NUFIP1: variants seen among roughly 807,000 people sequenced by gnomAD.
The protein encoded by NUFIP1 is FMR1-interacting protein NUFIP1.
In NUFIP1, 38 loss-of-function variants were observed where a neutral mutation model predicts 56.2. The ratio of observed to expected loss-of-function variants is 0.68; its 90% CI spans 0.52 to 0.89. The LOEUF is 0.89. NUFIP1 is among the 40% of genes least tolerant of loss of function. The probability of loss-of-function intolerance (pLI) is 0.00; values close to 1 mark genes in which losing one functional copy is unlikely to be tolerated. For missense variants in NUFIP1, 567 were observed against 605.8 expected (o/e 0.94, Z 0.67); for synonymous variants, 215 against 212.4 (o/e 1.01, Z -0.10).
chr13:44,941,062 T>C lies in NUFIP1; in HGVS notation c.*144A>G. 1 of 533,668 alleles carries C rather than the reference T, an allele frequency of 1.9e-6. No individual in the cohort carries two copies. Among genetic ancestry groups the C allele is most frequent in the Non-Finnish European group, 3.4e-6 (1 of 295,614 alleles). The allele number at this position is 533,668 out of a possible 1,614,324, so 33.1% of individuals were successfully genotyped here. A position where few individuals can be genotyped will look rare whatever the true frequency, so the allele number is the denominator to read the frequency against. On this transcript the variant is annotated 3_prime_UTR_variant, in exon 10 of 10. Transcript: ENST00000379161. ...ATTTGCATAGAACCAAAGGAAAGAC[T>C]TAAAATTCCAACATACATCCTACGA...
intron 5 of NUFIP1, among the ~76,000 whole-genome samples, chr13:44,968,655 TA>T (rs1871699725): frequency 6.6e-6 from 1 of 152,192 alleles, no homozygotes; most frequent in African/African-American, 2.4e-5. Flanking sequence ...GCGAGACATG[TA>T]ACTCACAGCT....
At chr13:44,942,597 A>AAC (rs374723547) in intron 9 of NUFIP1, among the ~76,000 whole-genome samples, 37 of 152,334 alleles carry the variant, frequency 2.4e-4, no homozygotes, top group Admixed American at 9.2e-4. Context: ...ACAGAATGTC[A>AAC]AGTTTTATAA....
intron 5 of NUFIP1, among the ~76,000 whole-genome samples, chr13:44,976,789 CA>C (rs1871996649): frequency 6.6e-6 from 1 of 152,160 alleles, no homozygotes; most frequent in Admixed American, 6.5e-5. Context: ...GAACTCTCTG[CA>C]GAGGCCCAAG....
rs781225688 is a variant in NUFIP1 at position 44,989,471 on chromosome 13, T to G, written c.-35A>C. On this transcript the variant is annotated 5_prime_UTR_variant, in exon 1 of 10. Transcript: ENST00000379161. The stretch of plus-strand genomic sequence containing the variant: ...GGGTCCGGAGTCTAGCACGCGACTG[T>G]GGAGCAAGCATTAGGCGTCACTTCC... 44 of 1,608,604 alleles carry G rather than the reference T, an allele frequency of 2.7e-5. No homozygotes were observed. The highest frequency in any genetic ancestry group is 3.7e-5 in the Non-Finnish European group (43 of 1,177,210).
chr13:44,949,199 A>AT (rs11421255), intron 8 of NUFIP1, among the ~76,000 whole-genome samples: 94,750 of 112,478 alleles, frequency 0.84, 41,841 homozygotes, highest in Non-Finnish European at 0.92. Flanking sequence ...ATTATATTGT[A>AT]TTTTTTTTTT....
intron 5 of NUFIP1, among the ~76,000 whole-genome samples, chr13:44,969,028 A>T (rs913089115): frequency 3.3e-5 from 5 of 152,164 alleles, no homozygotes; most frequent in Non-Finnish European, 5.9e-5. Flanking sequence ...TCCTAAAATT[A>T]AATATCATGT....
At chr13:44,959,623 A>G (rs1231481226) in intron 6 of NUFIP1, 49 bp from the exon 7 acceptor site, 1 of 1,525,646 alleles carries the variant, frequency 6.6e-7, no homozygotes, top group African/African-American at 1.4e-5. Context: ...CTGACCTTCC[A>G]AGAAAATTTT....
intron 6 of NUFIP1, among the ~76,000 whole-genome samples, chr13:44,961,062 A>G (rs1436093895): frequency 6.6e-6 from 1 of 151,830 alleles, no homozygotes; most frequent in African/African-American, 2.4e-5. Context: ...GAAAAAAAAA[A>G]AAAAAAAAAA....
Position 44,980,714 on chromosome 13 carries a change from A to C in NUFIP1, c.594+8T>G, listed in dbSNP as rs1341961565. On this transcript the variant is annotated splice_region_variant and intron_variant, in intron 3 of 9. Transcript: ENST00000379161. ...TACATCAGTTTCAGGACAACTAAGA[A>C]AACCTACTTTTGTATGTTCAGACAT... The C allele has an allele frequency of 1.3e-6, 2 of 1,578,102 alleles. No individual in the cohort carries two copies. The highest frequency in any genetic ancestry group is 1.4e-5 in the African/African-American group (1 of 73,266).
At chr13:44,988,710 T>C (rs964688297) in intron 1 of NUFIP1, among the ~76,000 whole-genome samples, 1 of 152,208 alleles carries the variant, frequency 6.6e-6, no homozygotes, top group East Asian at 1.9e-4. Context: ...GAAAACATTC[T>C]AGTCAGACAT....
intron 1 of NUFIP1, among the ~76,000 whole-genome samples, chr13:44,986,258 T>G (rs1872387147): frequency 6.6e-6 from 1 of 151,718 alleles, no homozygotes; most frequent in African/African-American, 2.4e-5. Context: ...ATTCATGATT[T>G]ATGGAAGGAG....
chr13:44,975,580 T>G (rs574738534), intron 5 of NUFIP1, among the ~76,000 whole-genome samples: 8 of 152,308 alleles, frequency 5.3e-5, no homozygotes, highest in Admixed American at 5.2e-4. Flanking sequence ...AAAGCTTCTA[T>G]TTTCTCTTAC....
At chr13:44,976,703 T>C (rs148967182) in intron 5 of NUFIP1, among the ~76,000 whole-genome samples, 53 of 152,296 alleles carry the variant, frequency 3.5e-4, no homozygotes, top group African/African-American at 1.3e-3. Context: ...TATGTTGCTA[T>C]AACTGAATAC....
chr13:44,978,873 A>G lies in NUFIP1; in HGVS notation c.734+317T>C, dbSNP rs17068865. 3.2e-3 allele frequency among the ~76,000 whole-genome samples: 495 copies of G among 152,318 alleles called. 4 individuals are homozygous for G. The highest frequency in any genetic ancestry group is 0.022 in the Admixed American group (336 of 15,298). On this transcript the variant is annotated intron_variant, in intron 5 of 9. Coordinates refer to ENST00000379161, the MANE Select transcript of NUFIP1 (RefSeq NM_012345.3). Reference sequence around the variant, plus strand: ...CATGTGCCAGATGTACTGTTCTGTGATAATACACTTCTGTATAATACACTT... The same window carrying G: ...CATGTGCCAGATGTACTGTTCTGTGGTAATACACTTCTGTATAATACACTT...
At chr13:44,945,149 A>G (rs1870866692) in intron 8 of NUFIP1, among the ~76,000 whole-genome samples, 1 of 152,004 alleles carries the variant, frequency 6.6e-6, no homozygotes, top group Non-Finnish European at 1.5e-5. Context: ...TGAGAAAAAG[A>G]GAAAAAAATC....
chr13:44,943,331 T>C (rs1870805853), intron 9 of NUFIP1, 111 bp downstream of exon 9: 2 of 873,714 alleles, frequency 2.3e-6, no homozygotes, highest in Non-Finnish European at 3.6e-6. Flanking sequence ...GGTCAATGTG[T>C]CTCTGGTAAC....
intron 5 of NUFIP1, among the ~76,000 whole-genome samples, chr13:44,973,163 A>T (rs1045973147): frequency 6.6e-6 from 1 of 152,180 alleles, no homozygotes; most frequent in Non-Finnish European, 1.5e-5. Flanking sequence ...TTATTCACGA[A>T]ACCACAAGGG....
chr13:44,950,490 C>A (rs910327656), intron 7 of NUFIP1, among the ~76,000 whole-genome samples: 27 of 152,246 alleles, frequency 1.8e-4, no homozygotes, highest in African/African-American at 6.5e-4. Flanking sequence ...GGATCACAGG[C>A]GTGTGCCACT....
At chr13:44,981,260 T>C (rs574559614) in intron 2 of NUFIP1, among the ~76,000 whole-genome samples, 1 of 152,132 alleles carries the variant, frequency 6.6e-6, no homozygotes, top group Admixed American at 6.5e-5. Flanking sequence ...GTAAATATAT[T>C]GGAAAATTTT....
Sources: allele counts gnomAD v4.1 joint callset (sites outside exome capture counted in the v4.1 genomes callset), GRCh38; gene constraint gnomAD v4.1.1; transcripts MANE v1.5; gene names NCBI Gene and HGNC (gene_info 2026-07-23, HGNC 2026-07-21).